The following ENO2 variants were observed in gnomAD, a reference collection of about 807,000 sequenced individuals.
The protein encoded by ENO2 is enolase 2, also known as gamma-enolase.
A neutral mutation model predicts 48.7 loss-of-function variants in ENO2; 19 were observed. The observed-to-expected ratio is 0.39, with a 90% CI of 0.27 to 0.57. The LOEUF (loss-of-function observed/expected upper bound fraction) is 0.57, where lower values mean the gene tolerates loss of function less well. Among genes scored for constraint, ENO2 ranks in the 20% least tolerant of loss-of-function variants. The pLI is 0.58. For synonymous variants in ENO2, 198 were observed against 213.4 expected (o/e 0.93, Z 0.63); for missense variants, 416 against 555.0 (o/e 0.75, Z 2.52).
chr12:6,918,261 G>A (rs1441754556), intron 7 of ENO2, 99 bp downstream of exon 7: 4 of 1,247,410 alleles, frequency 3.2e-6, no homozygotes, highest in Non-Finnish European at 4.4e-6. Context: ...GGCGTGGAGG[G>A]TCCTAGGACT....
chr12:6,922,015 C>T lies in ENO2; in HGVS notation c.1068-41C>T. 4 of 1,609,986 alleles carry T rather than the reference C, an allele frequency of 2.5e-6. No homozygotes were observed. The highest frequency in any genetic ancestry group is 3.4e-6 in the Non-Finnish European group (4 of 1,176,286). On this transcript the variant is annotated intron_variant, in intron 9 of 11. Coordinates refer to ENST00000229277, the MANE Select transcript of ENO2 (RefSeq NM_001975.3). This position sits in a 1 kb window ranked among gnomAD's most constrained non-coding sequence, Gnocchi z 5.3. The stretch of plus-strand genomic sequence containing the variant: ...AGGTTGGGGCTGGGAAGAGAGTGCC[C>T]AGTGTGAGAGCTGGAGAATCAGTGC...
rs1251849938 is a variant in ENO2, at chr12:6,922,637, G to T, written c.1236-94G>T. On this transcript the variant is annotated intron_variant, in intron 11 of 11. Coordinates refer to ENST00000229277, the MANE Select transcript of ENO2 (RefSeq NM_001975.3). This position sits in a 1 kb window ranked among gnomAD's most constrained non-coding sequence, Gnocchi z 5.3. ...TTGGGGCAGGACACAAAAGCAGGTG[G>T]TGTGGGGGTGGTTGGAGTCTGGGGG... 1 of 1,447,008 alleles carries T rather than the reference G, an allele frequency of 6.9e-7. No homozygotes were observed. The highest frequency in any genetic ancestry group is 9.7e-7 in the Non-Finnish European group (1 of 1,032,120). The allele number at this position is 1,447,008 out of a possible 1,614,324, so 89.6% of individuals were successfully genotyped here. A position where few individuals can be genotyped will look rare whatever the true frequency, so the allele number is the denominator to read the frequency against.
rs1945306878 is a variant in ENO2, at chr12:6,917,926, C to G, written c.445-14C>G. 1 of 1,613,462 alleles carries G rather than the reference C, an allele frequency of 6.2e-7. No homozygotes were observed. Among genetic ancestry groups the G allele is most frequent in the Non-Finnish European group, 8.5e-7 (1 of 1,179,918 alleles). ...GGGGCTCTTTGACCCTTCTGTCTTTCTGTGGCTCCCCAGGCCTTCAACGTG... is the reference window on the plus strand; with the variant it reads ...GGGGCTCTTTGACCCTTCTGTCTTTGTGTGGCTCCCCAGGCCTTCAACGTG... On this transcript the variant is annotated splice_polypyrimidine_tract_variant and intron_variant, in intron 6 of 11. Coordinates refer to ENST00000229277, the MANE Select transcript of ENO2 (RefSeq NM_001975.3).
At chr12:6,919,414 C>G (rs1945320073) in intron 7 of ENO2, 152 bp from the exon 8 acceptor site, 1 of 730,180 alleles carries the variant, frequency 1.4e-6, no homozygotes, top group Admixed American at 2.6e-5. Context: ...GATGGCCTCT[C>G]CTCCCAGACC....
intron 9 of ENO2, 98 bp downstream of exon 9, chr12:6,921,880 G>A: frequency 6.5e-7 from 1 of 1,537,516 alleles, no homozygotes; most frequent in Non-Finnish European, 8.9e-7. Context: ...GCCAAAGAGA[G>A]CGGGGAACCT....
chr12:6,917,525 G>A, intron 5 of ENO2, 56 bp from the exon 6 acceptor site: 1 of 1,575,048 alleles, frequency 6.3e-7, no homozygotes, highest in Non-Finnish European at 8.6e-7. Flanking sequence ...ATGGAGGCAG[G>A]AGCTAGAAAG....
Position 6,922,740 on chromosome 12 carries a change from A to G in ENO2, c.1245A>G (p.Glu415=), listed in dbSNP as rs1471361686. The change falls in exon 12 of 12, where the codon GAA becomes GAG. Residue 415 remains glutamate, a synonymous_variant. Transcript: ENST00000229277. The surrounding 1 kb of genome is among the most constrained non-coding windows in gnomAD (Gnocchi z 5.3). ...GGTTCATCTCTCTCAGAATTGAGGAAGAGCTGGGGGATGAAGCTCGCTTTG... is the reference window on the plus strand; with the variant it reads ...GGTTCATCTCTCTCAGAATTGAGGAGGAGCTGGGGGATGAAGCTCGCTTTG... ...AKYNQLMRIE[E]ELGDEARFAG... The G allele has an allele frequency of 6.2e-7, 1 of 1,613,964 alleles. No homozygotes were observed. Among genetic ancestry groups the G allele is most frequent in the Non-Finnish European group, 8.5e-7 (1 of 1,179,996 alleles).
In ENO2 at chr12:6,916,902, C is replaced by T. The variant is rs189522110; in HGVS notation, c.241-136C>T. 1,168 of 1,411,758 alleles carry T rather than the reference C, an allele frequency of 8.3e-4. 9 individuals carry two copies. In the African/African-American group the frequency reaches 0.013, roughly 16 times the overall value. The allele number at this position is 1,411,758 out of a possible 1,614,324, so 87.5% of individuals were successfully genotyped here. ...CTGCTCCCATGGGAGTTCAGGTCCCCTAATCCAGGTAGGCCCCTGTCACAG... is the reference window on the plus strand; with the variant it reads ...CTGCTCCCATGGGAGTTCAGGTCCCTTAATCCAGGTAGGCCCCTGTCACAG... On this transcript the variant is annotated intron_variant, in intron 4 of 11. Transcript: ENST00000229277. The surrounding 1 kb of genome is among the most constrained non-coding windows in gnomAD (Gnocchi z 4.5).
intron 5 of ENO2, 73 bp from the exon 6 acceptor site, chr12:6,917,508 A>G (rs1189014825): frequency 5.2e-6 from 8 of 1,545,210 alleles, no homozygotes; most frequent in Non-Finnish European, 7.0e-6. Context: ...CCTTTTGGAG[A>G]CTACAGATGG....
Position 6,921,732 on chromosome 12 carries a change from T to C in ENO2, c.1017T>C (p.Cys339=), listed in dbSNP as rs782040277. 1 of 1,614,148 alleles carries C rather than the reference T, an allele frequency of 6.2e-7. No homozygotes were observed. Among genetic ancestry groups the C allele is most frequent in the South Asian group, 1.1e-5 (1 of 91,084 alleles). ...CAGTGGAAGAAAAGGCCTGCAACTG[T>C]CTGCTGCTCAAGGTCAACCAGATCG... ...ERAVEEKACN[C]LLLKVNQIGS... Residue 339 remains cysteine, a synonymous_variant, in exon 9 of 12, where the codon TGT becomes TGC. Coordinates refer to ENST00000229277, the MANE Select transcript of ENO2 (RefSeq NM_001975.3).
chr12:6,922,723 T>C lies in ENO2; in HGVS notation c.1236-8T>C, dbSNP rs782411559. 1.2e-6 allele frequency: 2 copies of C among 1,614,026 alleles called. No homozygotes were observed. Among genetic ancestry groups the C allele is most frequent in the South Asian group, 1.1e-5 (1 of 91,082 alleles). On this transcript the variant is annotated splice_region_variant and splice_polypyrimidine_tract_variant and intron_variant, in intron 11 of 11. Coordinates refer to ENST00000229277, the MANE Select transcript of ENO2 (RefSeq NM_001975.3). This position sits in a 1 kb window ranked among gnomAD's most constrained non-coding sequence, Gnocchi z 5.3. ...CTGACCACTTCCTTTGTGGTTCATC[T>C]CTCTCAGAATTGAGGAAGAGCTGGG...
In ENO2 at chr12:6,922,221, C is replaced by T. The variant is rs924141275; in HGVS notation, c.1176+57C>T. 4 of 1,605,608 alleles carry T rather than the reference C, an allele frequency of 2.5e-6. No individual in the cohort carries two copies. The African/African-American group carries it at 4.0e-5, about 16-fold the overall frequency. Reference sequence around the variant, plus strand: ...CTCTCTGTGGGATTGGTATTTCTAGCTCACCCACCTGGTCTCTCCTTCCAG... The same window carrying T: ...CTCTCTGTGGGATTGGTATTTCTAGTTCACCCACCTGGTCTCTCCTTCCAG... On this transcript the variant is annotated intron_variant, in intron 10 of 11. Coordinates refer to ENST00000229277, the MANE Select transcript of ENO2 (RefSeq NM_001975.3). This position sits in a 1 kb window ranked among gnomAD's most constrained non-coding sequence, Gnocchi z 5.3.
chr12:6,921,554 C>A, intron 8 of ENO2, 27 bp from the exon 9 acceptor site: 1 of 1,610,868 alleles, frequency 6.2e-7, no homozygotes, highest in Non-Finnish European at 8.5e-7. Flanking sequence ...GAACACCTCC[C>A]CCCTCCCCAC....
At chr12:6,920,306 T>TGCTG (rs1372547006) in intron 8 of ENO2, among the ~76,000 whole-genome samples, 1 of 145,028 alleles carries the variant, frequency 6.9e-6, no homozygotes, top group African/African-American at 2.6e-5. Flanking sequence ...AGGAAGGGCT[T>TGCTG]GCTGGCAGTG....
chr12:6,917,325 G>A (rs1435006395), intron 5 of ENO2: 3 of 706,886 alleles, frequency 4.2e-6, no homozygotes, highest in African/African-American at 3.6e-5. Context: ...AGAGGAGGGG[G>A]ATGGCCTGAG....
intron 8 of ENO2, 138 bp downstream of exon 8, chr12:6,919,901 A>G (rs1945324833): frequency 1.2e-6 from 1 of 842,988 alleles, no homozygotes; most frequent in Non-Finnish European, 1.8e-6. Flanking sequence ...GAGAGGGTGC[A>G]GGAGCCACCT....
At chr12:6,919,953 C>A (rs1945325202) in intron 8 of ENO2, among the ~76,000 whole-genome samples, 190 bp downstream of exon 8, 1 of 152,116 alleles carries the variant, frequency 6.6e-6, no homozygotes, top group Admixed American at 6.5e-5. Flanking sequence ...ATGCAGGTAC[C>A]CGTGACCAAT....
chr12:6,916,862 C>A lies in ENO2; in HGVS notation c.240+133C>A. 1 of 1,400,938 alleles carries A rather than the reference C, an allele frequency of 7.1e-7. No homozygotes were observed. Among genetic ancestry groups the A allele is most frequent in the Non-Finnish European group, 9.8e-7 (1 of 1,015,422 alleles). The allele number at this position is 1,400,938 out of a possible 1,614,324, so 86.8% of individuals were successfully genotyped here. A position where few individuals can be genotyped will look rare whatever the true frequency, so the allele number is the denominator to read the frequency against. ...TACAAGGGGGAAGGGTGGGGAACAGCTTCCTTAATGCACCCTGCTCCCATG... is the reference window on the plus strand; with the variant it reads ...TACAAGGGGGAAGGGTGGGGAACAGATTCCTTAATGCACCCTGCTCCCATG... On this transcript the variant is annotated intron_variant, in intron 4 of 11. Coordinates refer to ENST00000229277, the MANE Select transcript of ENO2 (RefSeq NM_001975.3). This position sits in a 1 kb window ranked among gnomAD's most constrained non-coding sequence, Gnocchi z 4.5.
At chr12:6,915,963 G>C (rs782604424) in intron 2 of ENO2, 46 bp downstream of exon 2, 24 of 1,607,438 alleles carry the variant, frequency 1.5e-5, no homozygotes, top group African/African-American at 2.7e-5. Flanking sequence ...GCTTTTCCAC[G>C]GCCAGGCTGG....
Sources: gnomAD v4.1 joint callset for allele counts (sites outside exome capture counted in the v4.1 genomes callset) on GRCh38, gnomAD v4.1.1 for gene constraint, Gnocchi (gnomAD v3.1) non-coding constraint, MANE v1.5 for transcripts, NCBI Gene and HGNC (gene_info 2026-07-23, HGNC 2026-07-21) for gene names.